The following BTRC variants were observed in gnomAD, a reference collection of about 807,000 sequenced individuals.
The protein encoded by BTRC is beta-transducin repeat containing E3 ubiquitin protein ligase.
A neutral mutation model predicts 85.5 loss-of-function variants in BTRC; 42 were observed. The observed-to-expected ratio is 0.49, with a 90% CI of 0.38 to 0.64. The LOEUF (loss-of-function observed/expected upper bound fraction) is 0.64. BTRC is among the 30% of genes least tolerant of loss of function. The pLI is 0.00. For synonymous variants in BTRC, 255 were observed against 263.3 expected (o/e 0.97, Z 0.30); for missense variants, 594 against 743.5 (o/e 0.80, Z 2.34).
chr10:101,476,270 A>T (rs1945684272), intron 3 of BTRC, among the ~76,000 whole-genome samples: 1 of 152,088 alleles, frequency 6.6e-6, no homozygotes, highest in African/African-American at 2.4e-5. Flanking sequence ...GAGACATGAC[A>T]AATAAATGCC....
intron 4 of BTRC, among the ~76,000 whole-genome samples, chr10:101,507,230 ATAAG>A (rs1946565519): frequency 1.3e-5 from 2 of 152,212 alleles, no homozygotes; most frequent in African/African-American, 4.8e-5. Flanking sequence ...TCTTTTAAAT[ATAAG>A]TAACACGCAA....
intron 4 of BTRC, among the ~76,000 whole-genome samples, chr10:101,496,730 G>A (rs1946271372): frequency 6.6e-6 from 1 of 151,614 alleles, no homozygotes; most frequent in Admixed American, 6.6e-5. Context: ...TATGTTGATT[G>A]GCCATTTGGA....
At chr10:101,510,065 C>T (rs1946660601) in intron 4 of BTRC, among the ~76,000 whole-genome samples, 2 of 151,548 alleles carry the variant, frequency 1.3e-5, no homozygotes, top group South Asian at 2.1e-4. Flanking sequence ...ACCTGGGAGG[C>T]GGAGGTTGCA....
intron 1 of BTRC, among the ~76,000 whole-genome samples, chr10:101,363,009 G>A (rs1322161335): frequency 6.6e-6 from 1 of 152,212 alleles, no homozygotes; most frequent in African/African-American, 2.4e-5. Flanking sequence ...AGTATCTGTG[G>A]ATTTTGGTAT....
rs1292415072 is a variant in BTRC, at chr10:101,557,129, G to C, written c.*4006G>C. On this transcript the variant is annotated 3_prime_UTR_variant, in exon 15 of 15. Coordinates refer to ENST00000370187, the MANE Select transcript of BTRC (RefSeq NM_033637.4). The stretch of plus-strand genomic sequence containing the variant: ...TAAGCTTCCCCGAGAGCTTTCAGCT[G>C]GTTCACCTCTTTGTTCTCTAGACTC... 1.3e-5 allele frequency: 2 copies of C among 152,134 alleles called. No homozygotes were observed. The highest frequency in any genetic ancestry group is 1.5e-5 in the Non-Finnish European group (1 of 68,034). 9.4% of individuals were successfully genotyped at this position (152,134 alleles called of 1,614,324 possible). A position where few individuals can be genotyped will look rare whatever the true frequency, so the allele number is the denominator to read the frequency against.
intron 1 of BTRC, among the ~76,000 whole-genome samples, chr10:101,367,431 T>A (rs1346448037): frequency 2.0e-5 from 3 of 152,082 alleles, no homozygotes; most frequent in Non-Finnish European, 2.9e-5. Flanking sequence ...ATGTGAGCTT[T>A]TTTACTAAAG....
intron 1 of BTRC, chr10:101,354,440 T>C: frequency 1.8e-6 from 1 of 566,806 alleles, no homozygotes; most frequent in Non-Finnish European, 3.0e-6. Context: ...CGCCATCTTG[T>C]GGATGAGAGG....
At chr10:101,509,183 C>T (rs1033011253) in intron 4 of BTRC, among the ~76,000 whole-genome samples, 10 of 143,524 alleles carry the variant, frequency 7.0e-5, no homozygotes, top group Non-Finnish European at 1.5e-4. Context: ...TCTTTCCATT[C>T]TAATCAAAGT....
chr10:101,445,243 A>G (rs1207480512), intron 2 of BTRC, among the ~76,000 whole-genome samples: 2 of 152,150 alleles, frequency 1.3e-5, no homozygotes, highest in African/African-American at 4.8e-5. Context: ...AGCTGATTGT[A>G]TATTTGTAGG....
chr10:101,456,017 C>CACACACACACACACAA (rs1416141920), intron 2 of BTRC, among the ~76,000 whole-genome samples: 4 of 150,692 alleles, frequency 2.7e-5, no homozygotes, highest in Non-Finnish European at 5.9e-5. Flanking sequence ...CACACACACA[C>CACACACACACACACAA]AAAATTAGCT....
intron 1 of BTRC, among the ~76,000 whole-genome samples, chr10:101,411,917 T>C (rs944076806): frequency 6.6e-6 from 1 of 152,226 alleles, no homozygotes; most frequent in Non-Finnish European, 1.5e-5. Flanking sequence ...TTGATGCTCT[T>C]GTGGCTGATT....
At chr10:101,457,016 T>G (rs1019808734) in intron 2 of BTRC, among the ~76,000 whole-genome samples, 4 of 152,208 alleles carry the variant, frequency 2.6e-5, no homozygotes, top group Admixed American at 6.5e-5. Context: ...CTGAACTCCA[T>G]GTATACTATG....
chr10:101,453,622 A>G (rs1396888095), intron 2 of BTRC: 1 of 152,224 alleles, frequency 6.6e-6, no homozygotes, highest in African/African-American at 2.4e-5. Context: ...TTATTTGATT[A>G]TATAATCAAC....
intron 2 of BTRC, among the ~76,000 whole-genome samples, chr10:101,447,978 G>A (rs1389778677): frequency 6.6e-6 from 1 of 152,062 alleles, no homozygotes; most frequent in Non-Finnish European, 1.5e-5. Flanking sequence ...TCAGTGACTT[G>A]TGGGGTAATT....
chr10:101,532,516 G>A, intron 8 of BTRC, 84 bp downstream of exon 8: 2 of 1,418,398 alleles, frequency 1.4e-6, no homozygotes, highest in African/African-American at 1.4e-5. Context: ...TAAACTCTAA[G>A]CATTATTTCT....
intron 1 of BTRC, among the ~76,000 whole-genome samples, chr10:101,416,063 G>T (rs1217191394): frequency 1.3e-5 from 2 of 152,068 alleles, no homozygotes; most frequent in Non-Finnish European, 2.9e-5. Context: ...ACCTAGTGAT[G>T]CATTTCTCAG....
At chr10:101,383,624 T>A (rs1942994613) in intron 1 of BTRC, among the ~76,000 whole-genome samples, 1 of 152,190 alleles carries the variant, frequency 6.6e-6, no homozygotes, top group South Asian at 2.1e-4. Flanking sequence ...CTCAGCCTTC[T>A]AAAGTGCTGG....
chr10:101,416,520 C>G (rs551968256), intron 1 of BTRC, among the ~76,000 whole-genome samples: 1 of 152,224 alleles, frequency 6.6e-6, no homozygotes, highest in Non-Finnish European at 1.5e-5. Flanking sequence ...TCATGTGACT[C>G]TTCCATGGTG....
chr10:101,390,563 A>G (rs1480725506), intron 1 of BTRC, among the ~76,000 whole-genome samples: 1 of 151,932 alleles, frequency 6.6e-6, no homozygotes, highest in Non-Finnish European at 1.5e-5. Context: ...CAACCTCCTG[A>G]CCTCGTGATC....
Sources: gnomAD v4.1 joint callset for allele counts (sites outside exome capture counted in the v4.1 genomes callset) on GRCh38, gnomAD v4.1.1 for gene constraint, MANE v1.5 for transcripts, NCBI Gene and HGNC (gene_info 2026-07-23, HGNC 2026-07-21) for gene names.